NEK11: variants seen among roughly 807,000 people sequenced by gnomAD.
NEK11 encodes serine/threonine-protein kinase Nek11.
In NEK11, 72 loss-of-function variants were observed where a neutral mutation model predicts 80.7. That is an observed-to-expected ratio of 0.89 (90% CI 0.74 to 1.08). The LOEUF is 1.08. Ranked by LOEUF, NEK11 falls within the 50% of genes least tolerant of loss-of-function variation. The probability of loss-of-function intolerance (pLI) is 0.00; values close to 1 mark genes in which losing one functional copy is unlikely to be tolerated. For missense variants in NEK11, 764 were observed against 763.6 expected (o/e 1.00, Z -0.01); for synonymous variants, 251 against 260.7 (o/e 0.96, Z 0.36).
At chr3:131,107,519 G>A (rs974909729) in intron 4 of NEK11, among the ~76,000 whole-genome samples, 1 of 152,052 alleles carries the variant, frequency 6.6e-6, no homozygotes, top group Non-Finnish European at 1.5e-5. Context: ...GCAACATGTA[G>A]GCAATAGTCT....
rs191018519 is a variant in NEK11, at chr3:131,041,953, G to T, written c.170+12075G>T. ...GATGTGGGTACAGCCCACGGAGGGC[G>T]AGCAGAAGGAGGGTGGGGCGTCACC... On this transcript the variant is annotated intron_variant, in intron 3 of 17. Transcript: ENST00000383366. 4.1e-3 allele frequency among the ~76,000 whole-genome samples: 621 copies of T among 152,268 alleles called. 2 individuals are homozygous for T. Among genetic ancestry groups the T allele is most frequent in the Middle Eastern group, 0.017 (5 of 294 alleles).
At chr3:131,312,281 G>C (rs2096789871) in intron 17 of NEK11, among the ~76,000 whole-genome samples, 1 of 152,152 alleles carries the variant, frequency 6.6e-6, no homozygotes, top group African/African-American at 2.4e-5. Flanking sequence ...ATAAAATGTG[G>C]ATAACAATGC....
chr3:131,200,890 C>A (rs2094201607), intron 14 of NEK11, among the ~76,000 whole-genome samples: 2 of 152,174 alleles, frequency 1.3e-5, no homozygotes, highest in South Asian at 4.1e-4. Context: ...CTAGACCGAA[C>A]CCCTGGTGTT....
intron 15 of NEK11, among the ~76,000 whole-genome samples, chr3:131,233,174 T>G (rs2095366626): frequency 6.6e-6 from 1 of 152,090 alleles, no homozygotes; most frequent in Non-Finnish European, 1.5e-5. Context: ...CAGGCTGCAC[T>G]GCAATTCTGA....
intron 14 of NEK11, among the ~76,000 whole-genome samples, chr3:131,219,556 C>CAAA (rs11455146): frequency 6.9e-6 from 1 of 144,050 alleles, no homozygotes; most frequent in Non-Finnish European, 1.5e-5. Context: ...TTAAAGTATA[C>CAAA]AAAAAAAAAA....
At chr3:131,279,250 T>G in intron 17 of NEK11, among the ~76,000 whole-genome samples, 1 of 151,798 alleles carries the variant, frequency 6.6e-6, no homozygotes, top group East Asian at 1.9e-4. Flanking sequence ...CTAGGGAAGG[T>G]GAGACAGGAG....
chr3:131,144,161 C>T (rs944404733), intron 7 of NEK11, among the ~76,000 whole-genome samples: 3 of 152,028 alleles, frequency 2.0e-5, no homozygotes, highest in African/African-American at 7.2e-5. Context: ...CTCAGTAGTT[C>T]CGGACAAGTT....
intron 5 of NEK11, among the ~76,000 whole-genome samples, chr3:131,114,878 T>A (rs16835899): frequency 0.013 from 2,044 of 152,356 alleles, 27 homozygotes; most frequent in East Asian, 0.08. Context: ...TAAATTGGCT[T>A]ACATATGAGT....
At chr3:131,235,476 AT>A (rs1034360044) in intron 15 of NEK11, among the ~76,000 whole-genome samples, 66 of 152,300 alleles carry the variant, frequency 4.3e-4, no homozygotes, top group African/African-American at 1.6e-3. Flanking sequence ...TGAATATTTC[AT>A]TCACCTAGAC....
At chr3:131,322,882 G>A (rs1293764750) in intron 17 of NEK11, among the ~76,000 whole-genome samples, 1 of 152,140 alleles carries the variant, frequency 6.6e-6, no homozygotes, top group African/African-American at 2.4e-5. Context: ...TGTAAAATGG[G>A]ATTAACAAAC....
rs1307720952 is a variant in NEK11, at chr3:131,349,942, T to C, written c.*166T>C. 1 of 608,804 alleles carries C rather than the reference T, an allele frequency of 1.6e-6. No homozygotes were observed. Among genetic ancestry groups the C allele is most frequent in the African/African-American group, 1.9e-5 (1 of 53,986 alleles). 37.7% of individuals were successfully genotyped at this position (608,804 alleles called of 1,614,324 possible). A position where few individuals can be genotyped will look rare whatever the true frequency, so the allele number is the denominator to read the frequency against. On this transcript the variant is annotated 3_prime_UTR_variant, in exon 18 of 18. Coordinates refer to ENST00000383366, the MANE Select transcript of NEK11 (RefSeq NM_024800.5). ...TGGCTTCTTTAGAGAGTAGTAAGCA[T>C]GGCTGCCTATGCTTGGAGTCATAAG...
intron 17 of NEK11, among the ~76,000 whole-genome samples, chr3:131,332,406 C>A (rs1281259564): frequency 5.3e-5 from 8 of 152,190 alleles, no homozygotes; most frequent in Admixed American, 5.2e-4. Context: ...AGCTGAGGGT[C>A]CTGTCTGTTA....
At chr3:131,035,101 A>T (rs2065453422) in intron 3 of NEK11, among the ~76,000 whole-genome samples, 1 of 152,198 alleles carries the variant, frequency 6.6e-6, no homozygotes, top group Admixed American at 6.5e-5. Context: ...TGTCTGCCTG[A>T]GATAAGGATC....
intron 7 of NEK11, among the ~76,000 whole-genome samples, chr3:131,142,075 C>T (rs1436749340): frequency 6.6e-6 from 1 of 152,178 alleles, no homozygotes; most frequent in Non-Finnish European, 1.5e-5. Context: ...TGCTCTGATC[C>T]ATAGTTTTCC....
chr3:131,237,393 G>A (rs960332751), intron 15 of NEK11, among the ~76,000 whole-genome samples: 1 of 152,270 alleles, frequency 6.6e-6, no homozygotes, highest in South Asian at 2.1e-4. Flanking sequence ...ATTCATTTAT[G>A]CATCACATAT....
intron 4 of NEK11, among the ~76,000 whole-genome samples, chr3:131,108,702 A>T (rs1257505124): frequency 1.3e-5 from 2 of 152,054 alleles, no homozygotes; most frequent in Non-Finnish European, 2.9e-5. Context: ...AATAAGTATT[A>T]TTATTTTACT....
At chr3:131,268,414 A>G (rs143354007) in intron 16 of NEK11, among the ~76,000 whole-genome samples, 97 of 152,200 alleles carry the variant, frequency 6.4e-4, no homozygotes, top group African/African-American at 2.1e-3. Context: ...GGATTTATCT[A>G]CCTTTGGTCT....
At chr3:131,123,419 C>T (rs934373297) in intron 5 of NEK11, among the ~76,000 whole-genome samples, 4 of 152,286 alleles carry the variant, frequency 2.6e-5, no homozygotes, top group Non-Finnish European at 5.9e-5. Context: ...CCTGCCTCGG[C>T]CTCCCAAAGT....
chr3:131,049,882 T>TA (rs1265043045), intron 3 of NEK11, among the ~76,000 whole-genome samples: 1 of 151,570 alleles, frequency 6.6e-6, no homozygotes, highest in Non-Finnish European at 1.5e-5. Flanking sequence ...AAAAACAATT[T>TA]AAAAAAAGTT....
Sources: gnomAD v4.1 joint callset for allele counts (sites outside exome capture counted in the v4.1 genomes callset) on GRCh38, gnomAD v4.1.1 for gene constraint, MANE v1.5 for transcripts, NCBI Gene and HGNC (gene_info 2026-07-23, HGNC 2026-07-21) for gene names.